The following TNS3 variants were observed in gnomAD, a reference collection of about 807,000 sequenced individuals.
TNS3 encodes the protein tensin 3, also known as tensin-3.
A neutral mutation model predicts 140.9 loss-of-function variants in TNS3; 45 were observed. The observed-to-expected ratio is 0.32, with a 90% CI of 0.25 to 0.41. The LOEUF (loss-of-function observed/expected upper bound fraction) is 0.41. Among genes scored for constraint, TNS3 ranks in the 10% least tolerant of loss-of-function variants. The pLI is 1.00. For synonymous variants in TNS3, 815 were observed against 788.4 expected (o/e 1.03, Z -0.56); for missense variants, 1,716 against 1,906.7 (o/e 0.90, Z 1.86).
chr7:47,369,962 G>A (rs1045125717), intron 16 of TNS3, among the ~76,000 whole-genome samples: 19 of 152,252 alleles, frequency 1.2e-4, no homozygotes, highest in African/African-American at 4.1e-4. Flanking sequence ...CATTGAGCTC[G>A]GCTTGGATCA....
At position 47,570,476 on chromosome 7, in the gene TNS3, A is replaced by G. The variant is rs180930633; in HGVS notation, c.-265+11575T>C. ...GAAATATCAGTAGGCTAGATTCTCA[A>G]GTCTGTAAGATGAGTTGTAAATGGT... On this transcript the variant is annotated intron_variant, in intron 1 of 30. Transcript: ENST00000311160. Among the ~76,000 whole-genome samples, 8 of 152,400 alleles carry G rather than the reference A, an allele frequency of 5.2e-5. No homozygotes were observed. In the East Asian group the frequency reaches 1.5e-3, roughly 29 times the overall value.
chr7:47,541,147 T>C (rs1487117643), intron 1 of TNS3, among the ~76,000 whole-genome samples: 1 of 152,102 alleles, frequency 6.6e-6, no homozygotes, highest in African/African-American at 2.4e-5. Context: ...AGATTGGTCA[T>C]GCACAGGATG....
intron 20 of TNS3, among the ~76,000 whole-genome samples, chr7:47,310,815 C>G (rs1454460618): frequency 6.6e-6 from 1 of 152,172 alleles, no homozygotes; most frequent in Non-Finnish European, 1.5e-5. Flanking sequence ...TGAGAACATG[C>G]AGTGTTTGGT....
intron 2 of TNS3, among the ~76,000 whole-genome samples, chr7:47,521,007 C>T (rs528161110): frequency 1.3e-5 from 2 of 152,368 alleles, no homozygotes; most frequent in East Asian, 3.9e-4. Flanking sequence ...TCTGGATTGT[C>T]ATGCAACTTA....
chr7:47,549,652 T>G (rs1246481966), intron 1 of TNS3, among the ~76,000 whole-genome samples: 1 of 152,050 alleles, frequency 6.6e-6, no homozygotes, highest in African/African-American at 2.4e-5. Flanking sequence ...CCTGCTCAGT[T>G]TATGCCTCTC....
intron 20 of TNS3, among the ~76,000 whole-genome samples, chr7:47,315,232 A>C (rs1296988077): frequency 6.6e-6 from 1 of 152,192 alleles, no homozygotes; most frequent in East Asian, 1.9e-4. Context: ...CCAGAGCAGG[A>C]GGCATAATAC....
At chr7:47,377,393 G>C (rs1041244929) in intron 16 of TNS3, among the ~76,000 whole-genome samples, 3 of 152,202 alleles carry the variant, frequency 2.0e-5, no homozygotes, top group Non-Finnish European at 4.4e-5. Context: ...GTGACATTCT[G>C]GGGTGGAGAC....
At chr7:47,430,727 C>T (rs1794888832) in intron 8 of TNS3, among the ~76,000 whole-genome samples, 1 of 145,238 alleles carries the variant, frequency 6.9e-6, no homozygotes, top group Non-Finnish European at 1.5e-5. Flanking sequence ...AGTATTTTTT[C>T]TTTTTTTTTT....
intron 15 of TNS3, among the ~76,000 whole-genome samples, chr7:47,398,308 T>A (rs1014056385): frequency 6.6e-6 from 1 of 152,074 alleles, no homozygotes; most frequent in Non-Finnish European, 1.5e-5. Flanking sequence ...AACTAACTCA[T>A]TCTATGAAGC....
At chr7:47,280,394 A>G in intron 28 of TNS3, 40 bp from the exon 29 acceptor site, 2 of 1,600,932 alleles carry the variant, frequency 1.2e-6, no homozygotes, top group Non-Finnish European at 1.7e-6. Context: ...TCCTGTTACT[A>G]GGGCTTTTGG....
At chr7:47,390,414 G>A (rs367628838) in intron 16 of TNS3, among the ~76,000 whole-genome samples, 5 of 152,270 alleles carry the variant, frequency 3.3e-5, no homozygotes, top group South Asian at 4.2e-4. Context: ...CCTGGAGCTC[G>A]GAACAGTACT....
intron 16 of TNS3, among the ~76,000 whole-genome samples, chr7:47,378,312 G>A (rs909907828): frequency 3.3e-5 from 5 of 152,124 alleles, no homozygotes; most frequent in Non-Finnish European, 7.4e-5. Flanking sequence ...CAGAACGCAG[G>A]TCCACTGACC....
At chr7:47,527,327 T>C (rs76063160) in intron 2 of TNS3, among the ~76,000 whole-genome samples, 2,972 of 152,318 alleles carry the variant, frequency 0.02, 103 homozygotes, top group African/African-American at 0.068. Flanking sequence ...GCTTCTATTT[T>C]TGCCATGTTC....
At chr7:47,518,786 G>T (rs900384970) in intron 2 of TNS3, among the ~76,000 whole-genome samples, 1 of 152,214 alleles carries the variant, frequency 6.6e-6, no homozygotes, top group Non-Finnish European at 1.5e-5. Flanking sequence ...ACAACCCCTT[G>T]ATGAGTATCA....
rs999907801 is a variant in TNS3 at position 47,303,111 on chromosome 7, G to A, written c.3296C>T (p.Pro1099Leu). The change falls in exon 22 of 31, where the codon CCT (proline) becomes CTT (leucine). Residue 1099 changes from proline to leucine, a missense_variant. Coordinates refer to ENST00000311160, the MANE Select transcript of TNS3 (RefSeq NM_022748.12). ...CCCCTCCGAGGCCCGCTTCTTCTCA[G>A]GGAGGGGTGGCTGCCCGGGCAGGGT... ...GVTLPGQPPL[P>L]EKKRASEGDR... 7 of 1,613,960 alleles carry A rather than the reference G, an allele frequency of 4.3e-6. No individual in the cohort carries two copies. The African/African-American group carries it at 6.7e-5, about 15-fold the overall frequency.
chr7:47,457,109 A>AGGGG (rs1363731592), intron 4 of TNS3, among the ~76,000 whole-genome samples: 2 of 10,950 alleles, frequency 1.8e-4, no homozygotes, highest in African/African-American at 4.4e-4. Flanking sequence ...GTGCTGGTAA[A>AGGGG]GGGGAGGGGA....
rs76197195 is a variant in TNS3 at position 47,569,816 on chromosome 7, T to C, written c.-265+12235A>G. ...ATGCAGTGAGCCGAGATGGTGCCACTGCACTCCAGCCTGGGTGACAGAACA... is the reference window on the plus strand; with the variant it reads ...ATGCAGTGAGCCGAGATGGTGCCACCGCACTCCAGCCTGGGTGACAGAACA... On this transcript the variant is annotated intron_variant, in intron 1 of 30. Coordinates refer to ENST00000311160, the MANE Select transcript of TNS3 (RefSeq NM_022748.12). 2.4e-4 allele frequency among the ~76,000 whole-genome samples: 37 copies of C among 151,288 alleles called. No homozygotes were observed. The East Asian group carries it at 6.4e-3, about 26-fold the overall frequency.
In TNS3 at chr7:47,369,473, A is replaced by G; in HGVS notation, c.1173T>C (p.Ser391=). The stretch of plus-strand genomic sequence containing the variant: ...CAGAGGCTGTAGAGTGGCCGGAGTC[A>G]CTGCTGACAGACAAGGTGTGGTCAC... The part of the protein sequence containing the change: ...DHSDHTLSVS[S]DSGHSTASAR... The change falls in exon 17 of 31, where the codon AGT becomes AGC. Residue 391 remains serine (S), a synonymous_variant. Coordinates refer to ENST00000311160, the MANE Select transcript of TNS3 (RefSeq NM_022748.12). The G allele has an allele frequency of 6.2e-7, 1 of 1,614,130 alleles. No homozygotes were observed. The highest frequency in any genetic ancestry group is 1.1e-5 in the South Asian group (1 of 91,070).
intron 21 of TNS3, among the ~76,000 whole-genome samples, chr7:47,303,806 G>A (rs761016762): frequency 1.3e-5 from 2 of 152,164 alleles, no homozygotes; most frequent in African/African-American, 4.8e-5. Context: ...GCTGCAGCCC[G>A]CATGAGGGCA....
Sources: allele counts gnomAD v4.1 joint callset (sites outside exome capture counted in the v4.1 genomes callset), GRCh38; gene constraint gnomAD v4.1.1; transcripts MANE v1.5; gene names NCBI Gene and HGNC (gene_info 2026-07-23, HGNC 2026-07-21).